Variants in SEMA3A observed in about 807,000 individuals in gnomAD.
The protein encoded by SEMA3A is semaphorin-3A.
SEMA3A carries 29 observed loss-of-function variants against 97.9 expected under a neutral mutation model. That is an observed-to-expected ratio of 0.30 (90% CI 0.22 to 0.40). The LOEUF (loss-of-function observed/expected upper bound fraction) is 0.40, where lower values mean the gene tolerates loss of function less well. Ranked by LOEUF, SEMA3A falls within the 10% of genes least tolerant of loss-of-function variation. The pLI is 1.00. For missense variants in SEMA3A, 763 were observed against 951.3 expected, an observed-to-expected ratio of 0.80 and a Z score of 2.60; for synonymous variants, 321 against 323.7, an observed-to-expected ratio of 0.99 and a Z score of 0.09.
At chr7:84,206,320 ATTTT>A (rs532227830) in intron 3 of SEMA3A, among the ~76,000 whole-genome samples, 29 of 130,386 alleles carry the variant, frequency 2.2e-4, no homozygotes, top group African/African-American at 3.7e-4. Flanking sequence ...CCAAGATGGC[ATTTT>A]TTTTTTTTTT....
chr7:84,244,236 T>C (rs1799430291), intron 3 of SEMA3A, among the ~76,000 whole-genome samples: 4 of 152,174 alleles, frequency 2.6e-5, no homozygotes, highest in Admixed American at 2.6e-4. Flanking sequence ...AGTCTCTTTG[T>C]AGGTCTCTAA....
chr7:84,315,502 G>T (rs538587631), intron 2 of SEMA3A, among the ~76,000 whole-genome samples: 1 of 152,060 alleles, frequency 6.6e-6, no homozygotes, highest in Non-Finnish European at 1.5e-5. Flanking sequence ...ATGGTCTCTG[G>T]TTAAAAACAG....
intron 1 of SEMA3A, among the ~76,000 whole-genome samples, chr7:84,387,209 T>C (rs1252651037): frequency 6.6e-6 from 1 of 152,126 alleles, no homozygotes; most frequent in Non-Finnish European, 1.5e-5. Flanking sequence ...ATCCACAGTT[T>C]TCTGCTGTAT....
chr7:84,268,714 A>C (rs563027181), intron 3 of SEMA3A, among the ~76,000 whole-genome samples: 1 of 152,224 alleles, frequency 6.6e-6, no homozygotes, highest in East Asian at 1.9e-4. Flanking sequence ...GGAAGCAAGG[A>C]GGTTATTATT....
chr7:84,417,489 G>A lies in SEMA3A; in HGVS notation c.-245-45589C>T, dbSNP rs187527780. On this transcript the variant is annotated intron_variant, in intron 1 of 3. Coordinates refer to the SEMA3A transcript ENST00000424555. ...TATTTCTTCACCAAAAATTTATGAC[G>A]CGTTTGTTTCCATATAACATCAATG... 8.4e-4 allele frequency among the ~76,000 whole-genome samples: 128 copies of A among 152,036 alleles called. 1 individual carries two copies. Among genetic ancestry groups the A allele is most frequent in the African/African-American group, 2.5e-3 (102 of 41,498 alleles).
intron 3 of SEMA3A, among the ~76,000 whole-genome samples, chr7:84,226,541 C>A (rs1798993750): frequency 6.6e-6 from 1 of 151,788 alleles, no homozygotes; most frequent in South Asian, 2.1e-4. Flanking sequence ...CGAGAGTAAC[C>A]AAGAGGTTAA....
chr7:84,226,823 T>G (rs1798999365), intron 3 of SEMA3A, among the ~76,000 whole-genome samples: 1 of 152,088 alleles, frequency 6.6e-6, no homozygotes. Flanking sequence ...AAATGACATA[T>G]TATTCTATTC....
intron 1 of SEMA3A, among the ~76,000 whole-genome samples, chr7:84,466,822 T>C (rs975925163): frequency 3.9e-5 from 6 of 152,176 alleles, no homozygotes; most frequent in African/African-American, 1.4e-4. Flanking sequence ...AGTTCCCCTT[T>C]GTGAGCTTGA....
chr7:84,170,621 T>C lies in SEMA3A; in HGVS notation c.112+23854A>G, dbSNP rs1295800828. 2.0e-5 allele frequency among the ~76,000 whole-genome samples: 3 copies of C among 152,074 alleles called. No homozygotes were observed. The East Asian group carries it at 5.8e-4, about 29-fold the overall frequency. ...GAAAATTATTTTAGGGTATTTTGAA[T>C]AAAGTAATTAACTTGTTTTATATAG... is the stretch of plus-strand genomic sequence containing the variant. On this transcript the variant is annotated intron_variant, in intron 1 of 16. Transcript: ENST00000265362.
chr7:84,390,794 T>G (rs1403798719), intron 1 of SEMA3A, among the ~76,000 whole-genome samples: 1 of 152,136 alleles, frequency 6.6e-6, no homozygotes, highest in East Asian at 1.9e-4. Context: ...TGAATCATTT[T>G]GGGATATAGA....
chr7:84,382,937 C>A (rs1273478711), intron 1 of SEMA3A, among the ~76,000 whole-genome samples: 6 of 151,824 alleles, frequency 4.0e-5, no homozygotes, highest in Admixed American at 3.9e-4. Flanking sequence ...TAAAAGCTAA[C>A]TTGTGTTTAG....
At chr7:84,420,750 C>A (rs1263549222) in intron 1 of SEMA3A, among the ~76,000 whole-genome samples, 2 of 151,966 alleles carry the variant, frequency 1.3e-5, no homozygotes, top group African/African-American at 2.4e-5. Flanking sequence ...TTATTCATTT[C>A]TTCTAGATTT....
At chr7:84,488,096 G>A (rs930454606) in intron 1 of SEMA3A, among the ~76,000 whole-genome samples, 2 of 151,828 alleles carry the variant, frequency 1.3e-5, no homozygotes, top group Admixed American at 6.6e-5. Flanking sequence ...GTGTTTATAC[G>A]GGAAAGGATA....
At chr7:84,151,183 C>G (rs1562815902) in intron 1 of SEMA3A, among the ~76,000 whole-genome samples, 1 of 151,912 alleles carries the variant, frequency 6.6e-6, no homozygotes, top group Non-Finnish European at 1.5e-5. Context: ...ATCAGAGCGC[C>G]TCTCCTCCTC....
At chr7:84,077,499 T>C (rs546316166) in intron 4 of SEMA3A, among the ~76,000 whole-genome samples, 1 of 152,186 alleles carries the variant, frequency 6.6e-6, no homozygotes, top group East Asian at 1.9e-4. Flanking sequence ...ATATGGTTTC[T>C]TTACATTTCA....
chr7:84,018,043 T>C (rs2116431345), intron 6 of SEMA3A, among the ~76,000 whole-genome samples: 1 of 152,334 alleles, frequency 6.6e-6, no homozygotes, highest in Non-Finnish European at 1.5e-5. Flanking sequence ...GAAATTGTTT[T>C]ATTTTCTTAT....
intron 2 of SEMA3A, among the ~76,000 whole-genome samples, chr7:84,362,488 T>C (rs1292311574): frequency 2.0e-5 from 3 of 152,022 alleles, no homozygotes; most frequent in Non-Finnish European, 4.4e-5. Flanking sequence ...GCACACTTTT[T>C]GCTAGAGTTG....
At chr7:84,010,624 T>A (rs921938880) in intron 9 of SEMA3A, among the ~76,000 whole-genome samples, 1 of 152,142 alleles carries the variant, frequency 6.6e-6, no homozygotes, top group African/African-American at 2.4e-5. Flanking sequence ...ACAGAGAACT[T>A]TTTCCATTAT....
intron 1 of SEMA3A, among the ~76,000 whole-genome samples, chr7:84,487,374 C>T (rs1304525848): frequency 1.3e-5 from 2 of 151,980 alleles, no homozygotes; most frequent in Non-Finnish European, 2.9e-5. Flanking sequence ...GAGACTTCTA[C>T]TCAGACTACC....
Sources: allele counts gnomAD v4.1 joint callset (sites outside exome capture counted in the v4.1 genomes callset), GRCh38; gene constraint gnomAD v4.1.1; transcripts MANE v1.5; gene names NCBI Gene and HGNC (gene_info 2026-07-23, HGNC 2026-07-21).